The following PCDH9 variants were observed in gnomAD, a reference collection of about 807,000 sequenced individuals.
PCDH9 encodes protocadherin 9, also known as protocadherin-9.
Under a neutral mutation model 70.6 loss-of-function variants are expected in PCDH9, and 24 were observed. That is an observed-to-expected ratio of 0.34 (90% confidence interval 0.25 to 0.48). The LOEUF (loss-of-function observed/expected upper bound fraction) is 0.48. Among genes scored for constraint, PCDH9 ranks in the 20% least tolerant of loss-of-function variants. The probability of loss-of-function intolerance (pLI) is 0.99; values close to 1 mark genes in which losing one functional copy is unlikely to be tolerated. For synonymous variants in PCDH9, 562 were observed against 558.5 expected (o/e 1.01, Z -0.09); for missense variants, 1,281 against 1,503.6 (o/e 0.85, Z 2.45).
At chr13:67,025,642 T>A (rs1349027389) in intron 2 of PCDH9, among the ~76,000 whole-genome samples, 1 of 152,114 alleles carries the variant, frequency 6.6e-6, no homozygotes, top group Non-Finnish European at 1.5e-5. Context: ...AAAAATAGTA[T>A]ATTAAAAATT....
chr13:66,484,015 G>T (rs1196021670), intron 4 of PCDH9, among the ~76,000 whole-genome samples: 2 of 152,118 alleles, frequency 1.3e-5, no homozygotes, highest in Non-Finnish European at 2.9e-5. Context: ...GGGGCACTTG[G>T]AGGAGAGCCC....
chr13:66,478,482 C>A (rs559034276), intron 4 of PCDH9, among the ~76,000 whole-genome samples: 2 of 152,220 alleles, frequency 1.3e-5, no homozygotes, highest in South Asian at 4.1e-4. Flanking sequence ...TTGTGCCAAA[C>A]AATTAGCAAG....
intron 3 of PCDH9, among the ~76,000 whole-genome samples, chr13:66,637,951 A>G (rs370774138): frequency 6.6e-6 from 1 of 152,010 alleles, no homozygotes; most frequent in East Asian, 1.9e-4. Flanking sequence ...CTATTTTAGT[A>G]TGTTACATTT....
chr13:66,414,194 G>C (rs1177294644), intron 4 of PCDH9, among the ~76,000 whole-genome samples: 1 of 152,174 alleles, frequency 6.6e-6, no homozygotes, highest in Non-Finnish European at 1.5e-5. Flanking sequence ...ATTTGGAACA[G>C]ATTTGATCAA....
At chr13:67,198,787 T>A (rs2089138728) in intron 2 of PCDH9, among the ~76,000 whole-genome samples, 1 of 151,960 alleles carries the variant, frequency 6.6e-6, no homozygotes, top group Admixed American at 6.6e-5. Context: ...GTTACTCTCA[T>A]ATTTTCAAAA....
At chr13:66,760,847 T>G (rs1166070437) in intron 3 of PCDH9, among the ~76,000 whole-genome samples, 3 of 152,084 alleles carry the variant, frequency 2.0e-5, no homozygotes, top group Non-Finnish European at 2.9e-5. Flanking sequence ...GGAGTGTCTA[T>G]CTTATGCAGT....
chr13:66,944,843 G>GTGTC (rs1555289278), intron 2 of PCDH9, among the ~76,000 whole-genome samples: 35 of 150,430 alleles, frequency 2.3e-4, no homozygotes, highest in South Asian at 4.2e-4. Context: ...GTGTGTGTGT[G>GTGTC]TGTGTGTGTG....
At chr13:67,110,469 G>C (rs7319642) in intron 2 of PCDH9, among the ~76,000 whole-genome samples, 1 of 141,336 alleles carries the variant, frequency 7.1e-6, no homozygotes, top group Non-Finnish European at 1.5e-5. Context: ...AGCTGAGATC[G>C]TGCCACTGCA....
At chr13:66,709,073 T>C (rs756620563) in intron 3 of PCDH9, among the ~76,000 whole-genome samples, 1 of 152,218 alleles carries the variant, frequency 6.6e-6, no homozygotes, top group Non-Finnish European at 1.5e-5. Context: ...TCATTTGTAA[T>C]ATATTGTGAG....
rs1166700753 is a variant in PCDH9, at chr13:66,713,598, G to GTA, written c.3139-82189_3139-82188dup. On this transcript the variant is annotated intron_variant, in intron 3 of 4. Coordinates refer to ENST00000377865, the MANE Select transcript of PCDH9 (RefSeq NM_203487.3). ...ATATATATATATAAATTGTGTTTGT[G>GTA]TATATATATATAAAGTGTGTGTGTG... Among the ~76,000 whole-genome samples, 611 of 119,852 alleles carry GTA rather than the reference G, an allele frequency of 5.1e-3. 8 individuals carry two copies. Among genetic ancestry groups the GTA allele is most frequent in the African/African-American group, 0.017 (558 of 31,902 alleles). The allele number at this position is 119,852 out of a possible 152,430, so 78.6% of individuals were successfully genotyped here. A position where few individuals can be genotyped will look rare whatever the true frequency, so the allele number is the denominator to read the frequency against.
intron 4 of PCDH9, among the ~76,000 whole-genome samples, chr13:66,503,257 T>C (rs1959186399): frequency 6.6e-6 from 1 of 152,184 alleles, no homozygotes; most frequent in African/African-American, 2.4e-5. Flanking sequence ...AGAATACATG[T>C]CCTTACCCTG....
intron 4 of PCDH9, among the ~76,000 whole-genome samples, chr13:66,595,056 C>A (rs1289206898): frequency 6.6e-6 from 1 of 151,054 alleles, no homozygotes; most frequent in African/African-American, 2.4e-5. Context: ...TAAGTGCACA[C>A]ACACACACAA....
chr13:66,742,102 G>A (rs1265678772), intron 3 of PCDH9, among the ~76,000 whole-genome samples: 1 of 51,400 alleles, frequency 1.9e-5, no homozygotes, highest in Non-Finnish European at 3.7e-5. Flanking sequence ...ATACTACAAG[G>A]CTACAGTAAC....
chr13:66,393,858 CTACTGGACAGT>C (rs1957059939), intron 4 of PCDH9, among the ~76,000 whole-genome samples: 1 of 152,092 alleles, frequency 6.6e-6, no homozygotes, highest in Non-Finnish European at 1.5e-5. Flanking sequence ...ATGCTAACAC[CTACTGGACAGT>C]TAGGAAATAT....
intron 2 of PCDH9, chr13:67,213,461 T>C (rs886576263): frequency 6.6e-6 from 1 of 152,024 alleles, no homozygotes; most frequent in African/African-American, 2.4e-5. Flanking sequence ...TTTTGCCTGA[T>C]TAGGTCCATG....
At chr13:66,315,849 G>A (rs149801899) in intron 4 of PCDH9, among the ~76,000 whole-genome samples, 17 of 152,176 alleles carry the variant, frequency 1.1e-4, no homozygotes, top group African/African-American at 4.1e-4. Context: ...CTAATCTCTA[G>A]CATATTTACA....
chr13:66,478,321 A>G (rs1041726424), intron 4 of PCDH9, among the ~76,000 whole-genome samples: 2 of 152,180 alleles, frequency 1.3e-5, no homozygotes, highest in Non-Finnish European at 2.9e-5. Flanking sequence ...CAATATTGAA[A>G]TTAGGCCAGT....
At chr13:67,087,290 T>C (rs1353066142) in intron 2 of PCDH9, among the ~76,000 whole-genome samples, 1 of 151,980 alleles carries the variant, frequency 6.6e-6, no homozygotes, top group African/African-American at 2.4e-5. Context: ...AAACTCTCAC[T>C]AGTCTTCTGA....
intron 2 of PCDH9, among the ~76,000 whole-genome samples, chr13:67,141,167 T>C (rs1171670441): frequency 6.6e-6 from 1 of 152,044 alleles, no homozygotes; most frequent in Non-Finnish European, 1.5e-5. Flanking sequence ...AGCCTTACGA[T>C]AGACAAAAAT....
Sources: gnomAD v4.1 joint callset for allele counts (sites outside exome capture counted in the v4.1 genomes callset) on GRCh38, gnomAD v4.1.1 for gene constraint, MANE v1.5 for transcripts, NCBI Gene and HGNC (gene_info 2026-07-23, HGNC 2026-07-21) for gene names.